Variants in PRKN observed in about 807,000 individuals in gnomAD.
PRKN encodes parkin RBR E3 ubiquitin protein ligase.
A neutral mutation model predicts 59.5 loss-of-function variants in PRKN; 56 were observed. The observed-to-expected ratio is 0.94, with a 90% CI of 0.76 to 1.18. The LOEUF is 1.18. PRKN is among the 50% of genes most tolerant of loss of function. PRKN has a pLI of 0.00. For missense variants in PRKN, 657 were observed against 596.4 expected (o/e 1.10, Z -1.06); for synonymous variants, 250 against 222.1 (o/e 1.13, Z -1.12).
intron 1 of PRKN, among the ~76,000 whole-genome samples, chr6:162,452,589 A>C (rs1790679105): frequency 6.6e-6 from 1 of 152,192 alleles, no homozygotes; most frequent in South Asian, 2.1e-4. Flanking sequence ...AAAATGAATA[A>C]AAATATTGAC....
intron 2 of PRKN, among the ~76,000 whole-genome samples, chr6:162,333,931 C>G (rs1158354945): frequency 6.6e-6 from 1 of 152,146 alleles, no homozygotes; most frequent in Non-Finnish European, 1.5e-5. Context: ...GAAACGAAAG[C>G]AAACAGCCAT....
At chr6:162,455,561 C>T (rs1478364550) in intron 1 of PRKN, among the ~76,000 whole-genome samples, 1 of 152,052 alleles carries the variant, frequency 6.6e-6, no homozygotes, top group Non-Finnish European at 1.5e-5. Context: ...CTTAAGGGAC[C>T]ACCATCATAT....
intron 1 of PRKN, among the ~76,000 whole-genome samples, chr6:162,482,928 T>TTCC (rs1489969264): frequency 8.7e-6 from 1 of 115,104 alleles, no homozygotes; most frequent in Non-Finnish European, 1.8e-5. Flanking sequence ...TATGCACTGA[T>TTCC]TCCATTGTTG....
At chr6:161,893,528 T>C (rs140945668) in intron 6 of PRKN, among the ~76,000 whole-genome samples, 1 of 152,342 alleles carries the variant, frequency 6.6e-6, no homozygotes, top group African/African-American at 2.4e-5. Flanking sequence ...ACTACGTTAC[T>C]GTTGCAGGAA....
intron 2 of PRKN, among the ~76,000 whole-genome samples, chr6:162,297,993 A>G (rs1781758351): frequency 6.6e-6 from 1 of 152,136 alleles, no homozygotes; most frequent in African/African-American, 2.4e-5. Flanking sequence ...TCTCTGTCCT[A>G]TTATTCTCCA....
intron 9 of PRKN, among the ~76,000 whole-genome samples, chr6:161,424,007 A>G (rs1366250466): frequency 2.6e-5 from 4 of 152,142 alleles, no homozygotes; most frequent in Non-Finnish European, 4.4e-5. Context: ...TACGGCATGT[A>G]GTGTTGAAGA....
intron 1 of PRKN, among the ~76,000 whole-genome samples, chr6:162,524,433 G>A (rs1778202645): frequency 6.6e-6 from 1 of 152,106 alleles, no homozygotes; most frequent in East Asian, 1.9e-4. Context: ...TAATAGTCTT[G>A]GGTGAGAAAA....
chr6:161,360,346 A>G lies in PRKN; in HGVS notation c.1168-141T>C, dbSNP rs1020206092. ...AGAAGCCTAAATATCAATGCACTTG[A>G]CAAATGCTAGACAGCTACTAGGCGG... On this transcript the variant is annotated intron_variant, in intron 10 of 11. Coordinates refer to ENST00000366898, the MANE Select transcript of PRKN (RefSeq NM_004562.3). This position sits in a 1 kb window ranked among gnomAD's most constrained non-coding sequence, Gnocchi z 5.1. 2.7e-6 allele frequency: 2 copies of G among 740,054 alleles called. No individual in the cohort carries two copies. Among genetic ancestry groups the G allele is most frequent in the Admixed American group, 2.0e-5 (1 of 51,076 alleles). The allele number at this position is 740,054 out of a possible 1,614,324, so 45.8% of individuals were successfully genotyped here.
chr6:162,330,473 G>A (rs975608763), intron 2 of PRKN, among the ~76,000 whole-genome samples: 7 of 152,158 alleles, frequency 4.6e-5, no homozygotes, highest in Non-Finnish European at 1.0e-4. Context: ...ATATCCTCCT[G>A]TTGGTTCAGC....
chr6:161,722,408 G>A (rs1356274216), intron 7 of PRKN, among the ~76,000 whole-genome samples: 1 of 152,138 alleles, frequency 6.6e-6, no homozygotes, highest in Non-Finnish European at 1.5e-5. Context: ...TCCTAACACT[G>A]TATTATAATT....
chr6:161,898,639 T>G (rs535352064), intron 6 of PRKN, among the ~76,000 whole-genome samples: 194 of 152,310 alleles, frequency 1.3e-3, no homozygotes, highest in Non-Finnish European at 1.2e-3. Flanking sequence ...CAGTGGAATG[T>G]CATTTTGGTA....
intron 1 of PRKN, among the ~76,000 whole-genome samples, chr6:162,671,607 T>G (rs1779322367): frequency 2.0e-5 from 3 of 152,012 alleles, no homozygotes; most frequent in Non-Finnish European, 2.9e-5. Flanking sequence ...GAAACATTTG[T>G]GCAGTAATCA....
chr6:161,941,983 T>C (rs1243609358), intron 6 of PRKN, among the ~76,000 whole-genome samples: 2 of 152,198 alleles, frequency 1.3e-5, no homozygotes, highest in African/African-American at 4.8e-5. Context: ...TTAAAACTTT[T>C]TGCTTATAAA....
intron 1 of PRKN, among the ~76,000 whole-genome samples, chr6:162,476,513 C>T (rs1233884514): frequency 9.2e-5 from 14 of 152,062 alleles, no homozygotes; most frequent in African/African-American, 2.9e-4. Flanking sequence ...TTCTCAATCC[C>T]GTTTGTATAG....
At chr6:161,890,238 A>T (rs1403081548) in intron 6 of PRKN, among the ~76,000 whole-genome samples, 3 of 152,174 alleles carry the variant, frequency 2.0e-5, no homozygotes, top group African/African-American at 4.8e-5. Flanking sequence ...TATTTTTCAA[A>T]ATCAGATTTA....
intron 1 of PRKN, among the ~76,000 whole-genome samples, chr6:162,623,736 CCTCT>C (rs569393302): frequency 2.0e-5 from 3 of 151,722 alleles, no homozygotes; most frequent in Admixed American, 6.6e-5. Context: ...CTAGTAAGGC[CCTCT>C]CTATTTTTAT....
chr6:161,368,297 T>A (rs1033121209), intron 10 of PRKN, among the ~76,000 whole-genome samples: 1 of 140,048 alleles, frequency 7.1e-6, no homozygotes. Context: ...TTATATATAT[T>A]TATATATATT....
intron 1 of PRKN, chr6:162,727,314 A>AAGGTGAGGGGCGGCGGCGGGGCGT: frequency 2.8e-6 from 1 of 352,158 alleles, no homozygotes; most frequent in Non-Finnish European, 5.1e-6. Context: ...CGGCGGGGCG[A>AAGGTGAGGGGCGGCGGCGGGGCGT]AGGTGAGGGG....
chr6:161,460,490 G>A lies in PRKN; in HGVS notation c.1084-73613C>T, dbSNP rs913467135. ...AGCATATCAGCAGGAAGGGCCAGGG[G>A]ACACTTCTCTGAACCCCCGTGATCA... On this transcript the variant is annotated intron_variant, in intron 9 of 11. Coordinates refer to ENST00000366898, the MANE Select transcript of PRKN (RefSeq NM_004562.3). The surrounding 1 kb of genome is among the most constrained non-coding windows in gnomAD (Gnocchi z 5.0). 6.6e-6 allele frequency among the ~76,000 whole-genome samples: 1 copy of A among 152,120 alleles called. No individual in the cohort carries two copies. The highest frequency in any genetic ancestry group is 2.4e-5 in the African/African-American group (1 of 41,408).
Sources: allele counts gnomAD v4.1 joint callset (sites outside exome capture counted in the v4.1 genomes callset), GRCh38; gene constraint gnomAD v4.1.1; non-coding constraint Gnocchi (gnomAD v3.1); transcripts MANE v1.5; gene names NCBI Gene and HGNC (gene_info 2026-07-23, HGNC 2026-07-21).